Variants in SIPA1L2 observed in about 807,000 individuals in gnomAD.
The protein encoded by SIPA1L2 is signal-induced proliferation-associated 1-like protein 2.
SIPA1L2 carries 56 observed loss-of-function variants against 163.9 expected under a neutral mutation model. That is an observed-to-expected ratio of 0.34 (90% CI 0.28 to 0.43). SIPA1L2 has a LOEUF of 0.43. Among genes scored for constraint, SIPA1L2 ranks in the 20% least tolerant of loss-of-function variants. The pLI is 1.00. For synonymous variants in SIPA1L2, 877 were observed against 865.7 expected, an observed-to-expected ratio of 1.01 and a Z score of -0.23; for missense variants, 1,974 against 2,193.5, an observed-to-expected ratio of 0.90 and a Z score of 2.00.
chr1:232,543,612 T>C (rs1573055867), intron 2 of SIPA1L2, among the ~76,000 whole-genome samples: 1 of 152,238 alleles, frequency 6.6e-6, no homozygotes. Flanking sequence ...AAGCTGCCTA[T>C]AATCTCAAGG....
chr1:232,459,127 A>C (rs1310650585), intron 10 of SIPA1L2, among the ~76,000 whole-genome samples: 3 of 152,262 alleles, frequency 2.0e-5, no homozygotes, highest in African/African-American at 7.2e-5. Flanking sequence ...TTAACCATAG[A>C]GGAAGACAGT....
intron 2 of SIPA1L2, among the ~76,000 whole-genome samples, chr1:232,529,712 C>A (rs570293408): frequency 6.6e-6 from 1 of 152,296 alleles, no homozygotes; most frequent in East Asian, 1.9e-4. Flanking sequence ...AAGGATATCA[C>A]GATAGGGTGG....
chr1:232,412,288 G>C (rs1222140616), intron 19 of SIPA1L2, among the ~76,000 whole-genome samples: 1 of 152,132 alleles, frequency 6.6e-6, no homozygotes, highest in Non-Finnish European at 1.5e-5. Flanking sequence ...ATTTTATAGG[G>C]ATCATGGGAT....
intron 2 of SIPA1L2, among the ~76,000 whole-genome samples, chr1:232,567,213 G>A (rs560599386): frequency 6.6e-6 from 1 of 152,194 alleles, no homozygotes; most frequent in South Asian, 2.1e-4. Flanking sequence ...ACTACTGAAA[G>A]GTTAAATGAA....
At position 232,417,915 on chromosome 1, in the gene SIPA1L2, C is replaced by A. The variant is rs114437490; in HGVS notation, c.4631-2290G>T. On this transcript the variant is annotated intron_variant, in intron 18 of 22. Coordinates refer to ENST00000674635, the MANE Select transcript of SIPA1L2 (RefSeq NM_020808.5). Reference sequence around the variant, plus strand: ...GAGGTCAGGCAGGCTGGAATCTGGGCCCACTGCAGCACTGTCCTCCCTCCT... The same window carrying A: ...GAGGTCAGGCAGGCTGGAATCTGGGACCACTGCAGCACTGTCCTCCCTCCT... Among the ~76,000 whole-genome samples the A allele has an allele frequency of 4.0e-3, 602 of 152,272 alleles. 2 individuals carry two copies. The highest frequency in any genetic ancestry group is 6.2e-3 in the Non-Finnish European group (423 of 68,016).
chr1:232,473,454 T>C (rs1388476069), intron 7 of SIPA1L2, among the ~76,000 whole-genome samples: 5 of 151,886 alleles, frequency 3.3e-5, no homozygotes, highest in African/African-American at 1.2e-4. Context: ...GCCAGCCCTC[T>C]CCATTAAACA....
chr1:232,508,507 A>G (rs1329388650), intron 3 of SIPA1L2, among the ~76,000 whole-genome samples: 4 of 152,242 alleles, frequency 2.6e-5, no homozygotes, highest in African/African-American at 9.6e-5. Flanking sequence ...AAGCAGGTCC[A>G]GAAGGAGGCA....
At chr1:232,415,457 G>A (rs1333511122) in intron 19 of SIPA1L2, 37 bp downstream of exon 19, 1 of 1,571,536 alleles carries the variant, frequency 6.4e-7, no homozygotes, top group Admixed American at 1.9e-5. Context: ...AGCACTCCCA[G>A]GGTAAGGGGT....
rs186967681 is a variant in SIPA1L2, at chr1:232,510,844, C to T, written c.1483+3013G>A. On this transcript the variant is annotated intron_variant, in intron 3 of 22. Coordinates refer to ENST00000674635, the MANE Select transcript of SIPA1L2 (RefSeq NM_020808.5). ...CATGTGCAACAGCATATGAATGAGACGCTGGCACTAAGTTTTGGCATAAAT... is the reference window on the plus strand; with the variant it reads ...CATGTGCAACAGCATATGAATGAGATGCTGGCACTAAGTTTTGGCATAAAT... 1.1e-4 allele frequency among the ~76,000 whole-genome samples: 16 copies of T among 152,130 alleles called. No homozygotes were observed. The East Asian group carries it at 3.1e-3, about 29-fold the overall frequency.
At chr1:232,571,584 C>G (rs1363270124) in intron 2 of SIPA1L2, among the ~76,000 whole-genome samples, 1 of 152,196 alleles carries the variant, frequency 6.6e-6, no homozygotes, top group African/African-American at 2.4e-5. Context: ...GGTATTTGCT[C>G]CCTCCAAATC....
intron 2 of SIPA1L2, among the ~76,000 whole-genome samples, chr1:232,556,746 G>C (rs889025443): frequency 2.0e-5 from 3 of 150,974 alleles, no homozygotes; most frequent in African/African-American, 7.3e-5. Context: ...AAATGGAAGA[G>C]CTCCAAGGTA....
chr1:232,481,789 T>C (rs1010648507), intron 6 of SIPA1L2, among the ~76,000 whole-genome samples: 1 of 152,194 alleles, frequency 6.6e-6, no homozygotes. Context: ...CCATTTCATT[T>C]TGTGTTCAAG....
intron 22 of SIPA1L2, among the ~76,000 whole-genome samples, chr1:232,400,437 C>T (rs1660268543): frequency 6.6e-6 from 1 of 152,184 alleles, no homozygotes; most frequent in Non-Finnish European, 1.5e-5. Context: ...CGTCTTCGTG[C>T]TCTAAGTGAA....
chr1:232,573,226 G>A (rs947770268), intron 2 of SIPA1L2, among the ~76,000 whole-genome samples: 1 of 152,124 alleles, frequency 6.6e-6, no homozygotes, highest in Non-Finnish European at 1.5e-5. Context: ...GACCCTATAT[G>A]GAGGGGAATG....
Position 232,425,828 on chromosome 1 carries a change from C to T in SIPA1L2, c.4411-20G>A, listed in dbSNP as rs374816938. ...CGAAAACTAGGGTTTAAACAAGGTGCGAGGAGGGAACAGACATTAAAAAAA... is the reference window on the plus strand; with the variant it reads ...CGAAAACTAGGGTTTAAACAAGGTGTGAGGAGGGAACAGACATTAAAAAAA... On this transcript the variant is annotated intron_variant, in intron 17 of 22. Coordinates refer to ENST00000674635, the MANE Select transcript of SIPA1L2 (RefSeq NM_020808.5). 45 of 1,604,922 alleles carry T rather than the reference C, an allele frequency of 2.8e-5. No homozygotes were observed. Among genetic ancestry groups the T allele is most frequent in the South Asian group, 3.3e-5 (3 of 90,470 alleles).
chr1:232,483,600 G>A (rs1271369873), intron 6 of SIPA1L2, among the ~76,000 whole-genome samples, 192 bp downstream of exon 6: 1 of 152,142 alleles, frequency 6.6e-6, no homozygotes, highest in Non-Finnish European at 1.5e-5. Context: ...AGCTTACAAG[G>A]TGAAGCACAT....
In SIPA1L2 at chr1:232,514,083, T is replaced by C; in HGVS notation, c.1257A>G (p.Glu419=). The change falls in exon 3 of 23, where the codon GAA becomes GAG. Residue 419 remains glutamate (E), a synonymous_variant. Coordinates refer to ENST00000674635, the MANE Select transcript of SIPA1L2 (RefSeq NM_020808.5). ...CPYFRNETGG[E]GDRRIALSRA... ...GAGAGAGCGCAATCCGCCTGTCGCC[T>C]TCCCCTCCAGTCTCATTTCTAAAGT... 6.2e-7 allele frequency: 1 copy of C among 1,614,218 alleles called. No homozygotes were observed. The highest frequency in any genetic ancestry group is 2.2e-5 in the East Asian group (1 of 44,874).
At chr1:232,528,103 A>ATATATATATATATCG (rs1558246735) in intron 2 of SIPA1L2, among the ~76,000 whole-genome samples, 525 of 51,674 alleles carry the variant, frequency 0.01, 15 homozygotes, top group African/African-American at 0.039. Context: ...TATATATATA[A>ATATATATATATATCG]TCAACTTTCT....
intron 11 of SIPA1L2, 145 bp downstream of exon 11, chr1:232,445,384 C>T: frequency 8.4e-7 from 1 of 1,196,022 alleles, no homozygotes; most frequent in Non-Finnish European, 1.2e-6. Flanking sequence ...ACCACTGTGT[C>T]TGGGGCCTGC....
Sources: allele counts gnomAD v4.1 joint callset (sites outside exome capture counted in the v4.1 genomes callset), GRCh38; gene constraint gnomAD v4.1.1; transcripts MANE v1.5; gene names NCBI Gene and HGNC (gene_info 2026-07-23, HGNC 2026-07-21).